The following CLIC5 variants were observed in gnomAD, a reference collection of about 807,000 sequenced individuals.
CLIC5 encodes the protein chloride intracellular channel protein 5.
A neutral mutation model predicts 24.7 loss-of-function variants in CLIC5; 20 were observed. The ratio of observed to expected loss-of-function variants is 0.81; its 90% CI spans 0.57 to 1.18. The LOEUF (loss-of-function observed/expected upper bound fraction) is 1.18, where lower values mean the gene tolerates loss of function less well. Ranked by LOEUF, CLIC5 falls within the 50% of genes most tolerant of loss-of-function variation. The pLI is 0.00. For missense variants in CLIC5, 341 were observed against 326.1 expected (o/e 1.05, Z -0.35); for synonymous variants, 159 against 135.6 (o/e 1.17, Z -1.20).
chr6:45,922,023 C>G (rs1763282680), intron 4 of CLIC5, among the ~76,000 whole-genome samples: 2 of 152,204 alleles, frequency 1.3e-5, no homozygotes, highest in African/African-American at 4.8e-5. Flanking sequence ...GAAAGACAAA[C>G]AGCGGTTTAT....
intron 4 of CLIC5, among the ~76,000 whole-genome samples, chr6:45,918,771 C>G (rs1216600185): frequency 6.6e-6 from 1 of 152,218 alleles, no homozygotes; most frequent in Non-Finnish European, 1.5e-5. Flanking sequence ...TTTTATTGCC[C>G]TAGTCCCATA....
At chr6:46,014,045 TG>T (rs1766903004) in intron 1 of CLIC5, among the ~76,000 whole-genome samples, 1 of 144,676 alleles carries the variant, frequency 6.9e-6, no homozygotes, top group Non-Finnish European at 1.5e-5. Context: ...GGGGTGGGGG[TG>T]GGGGGAGTCC....
intron 1 of CLIC5, among the ~76,000 whole-genome samples, chr6:45,984,674 G>A (rs1227097686): frequency 6.6e-6 from 1 of 152,190 alleles, no homozygotes; most frequent in Non-Finnish European, 1.5e-5. Context: ...CTTCGCTGGG[G>A]CTAGTTACCC....
chr6:46,095,528 C>T, the CLIC5 span, among the ~76,000 whole-genome samples: 5 of 152,216 alleles, frequency 3.3e-5, no homozygotes, highest in South Asian at 8.3e-4. Context: ...AATCATCATT[C>T]GCAAGTTCAA....
intron 6 of CLIC5, among the ~76,000 whole-genome samples, chr6:45,886,236 C>T (rs1230381999): frequency 6.6e-6 from 1 of 152,168 alleles, no homozygotes; most frequent in African/African-American, 2.4e-5. Context: ...GAAAAACTCC[C>T]CAGGGTGCAG....
intron 1 of CLIC5, among the ~76,000 whole-genome samples, chr6:45,969,111 C>A (rs186126234): frequency 6.6e-6 from 1 of 152,314 alleles, no homozygotes; most frequent in Admixed American, 6.5e-5. Flanking sequence ...AGTAGAGACT[C>A]CACAAGCTAC....
At chr6:46,098,879 G>T in the CLIC5 span, among the ~76,000 whole-genome samples, 1 of 152,232 alleles carries the variant, frequency 6.6e-6, no homozygotes, top group African/African-American at 2.4e-5. Context: ...CATGCCGATT[G>T]TTCTTTGTTT....
chr6:46,060,470 G>C (rs1762222590), intron 1 of CLIC5, among the ~76,000 whole-genome samples: 1 of 152,094 alleles, frequency 6.6e-6, no homozygotes, highest in Non-Finnish European at 1.5e-5. Flanking sequence ...TGCTTATTTT[G>C]TGCCTAGAAT....
the CLIC5 span, among the ~76,000 whole-genome samples, chr6:46,103,830 C>T: frequency 6.6e-6 from 1 of 152,086 alleles, no homozygotes; most frequent in Non-Finnish European, 1.5e-5. Context: ...TTCCAAAGCT[C>T]CACTCTTCTG....
At chr6:46,011,273 C>T (rs992396505) in intron 1 of CLIC5, among the ~76,000 whole-genome samples, 2 of 152,252 alleles carry the variant, frequency 1.3e-5, no homozygotes, top group African/African-American at 4.8e-5. Flanking sequence ...AACAACACTT[C>T]TGACCGTGAT....
intron 2 of CLIC5, 110 bp downstream of exon 2, chr6:45,955,025 A>C (rs1369789116): frequency 1.5e-6 from 1 of 688,092 alleles, no homozygotes; most frequent in Non-Finnish European, 2.5e-6. Flanking sequence ...CTGGACAATG[A>C]CGTGTGAGCA....
At chr6:45,954,375 T>C (rs1299403777) in intron 2 of CLIC5, among the ~76,000 whole-genome samples, 1 of 152,058 alleles carries the variant, frequency 6.6e-6, no homozygotes, top group Non-Finnish European at 1.5e-5. Context: ...TATGCAATGT[T>C]AGACATACAT....
intron 6 of CLIC5, among the ~76,000 whole-genome samples, chr6:45,887,036 C>T (rs1762310927): frequency 6.6e-6 from 1 of 152,188 alleles, no homozygotes. Context: ...AAAATCCCAC[C>T]TTTGACGCAG....
chr6:45,890,680 C>T (rs149039943), intron 6 of CLIC5, among the ~76,000 whole-genome samples: 10 of 152,132 alleles, frequency 6.6e-5, no homozygotes, highest in Admixed American at 2.6e-4. Context: ...AATCGACAAA[C>T]GAATGGATTT....
chr6:46,096,833 C>T, the CLIC5 span, among the ~76,000 whole-genome samples: 32 of 152,250 alleles, frequency 2.1e-4, no homozygotes, highest in East Asian at 2.7e-3. Context: ...ACTTACTATA[C>T]GATTTAATTT....
At chr6:45,965,647 A>G (rs1037602875) in intron 1 of CLIC5, among the ~76,000 whole-genome samples, 2 of 152,246 alleles carry the variant, frequency 1.3e-5, no homozygotes, top group Admixed American at 1.3e-4. Flanking sequence ...ATAGCCTCAA[A>G]TAAACAGAAC....
In CLIC5 at chr6:45,934,025, C is replaced by A. The variant is rs112417685; in HGVS notation, c.406+7522G>T. Among the ~76,000 whole-genome samples, 48 of 152,298 alleles carry A rather than the reference C, an allele frequency of 3.2e-4. 1 individual carries two copies. The highest frequency in any genetic ancestry group is 1.2e-3 in the African/African-American group (48 of 41,558). ...AAAGAAAATGGAAACCACAGCTCCT[C>A]CGTGCCTGCGGCTCACAGCAGGAAT... On this transcript the variant is annotated intron_variant, in intron 4 of 5. Coordinates refer to ENST00000339561, the MANE Select transcript of CLIC5 (RefSeq NM_016929.5).
chr6:46,015,599 C>G lies in CLIC5; in HGVS notation c.-57G>C. On this transcript the variant is annotated 5_prime_UTR_variant, in exon 1 of 6. Transcript: ENST00000339561. ...CGGGGAGGCGCCACCTCTGCAGCACCTGGGCCAGCACTCTGCGCTCCTGCC... is the reference window on the plus strand; with the variant it reads ...CGGGGAGGCGCCACCTCTGCAGCACGTGGGCCAGCACTCTGCGCTCCTGCC... The G allele has an allele frequency of 6.6e-7, 1 of 1,526,074 alleles. No individual in the cohort carries two copies. The highest frequency in any genetic ancestry group is 8.8e-7 in the Non-Finnish European group (1 of 1,135,834). 94.5% of individuals were successfully genotyped at this position (1,526,074 alleles called of 1,614,324 possible).
intron 4 of CLIC5, among the ~76,000 whole-genome samples, chr6:45,923,771 T>C (rs1031334375): frequency 7.9e-5 from 12 of 152,242 alleles, no homozygotes; most frequent in Non-Finnish European, 1.2e-4. Flanking sequence ...TCTTGTTTAA[T>C]TCAGCACTAC....
Sources: allele counts gnomAD v4.1 joint callset (sites outside exome capture counted in the v4.1 genomes callset), GRCh38; gene constraint gnomAD v4.1.1; transcripts MANE v1.5; gene names NCBI Gene and HGNC (gene_info 2026-07-23, HGNC 2026-07-21).